The following CLEC16A variants were observed in gnomAD, a reference collection of about 807,000 sequenced individuals.
CLEC16A encodes the protein C-type lectin domain containing 16A, also known as protein CLEC16A.
CLEC16A carries 51 observed loss-of-function variants against 109.5 expected under a neutral mutation model. That is an observed-to-expected ratio of 0.47 (90% CI 0.37 to 0.59). The LOEUF (loss-of-function observed/expected upper bound fraction) is 0.59. Among genes scored for constraint, CLEC16A ranks in the 20% least tolerant of loss-of-function variants. The pLI is 0.00. For synonymous variants in CLEC16A, 673 were observed against 564.2 expected, an observed-to-expected ratio of 1.19 and a Z score of -2.73; for missense variants, 1,339 against 1,394.0, an observed-to-expected ratio of 0.96 and a Z score of 0.63.
chr16:11,023,193 C>A (rs1209437457), intron 12 of CLEC16A, among the ~76,000 whole-genome samples: 2 of 140,694 alleles, frequency 1.4e-5, no homozygotes, highest in Non-Finnish European at 3.1e-5. Context: ...ATTTTGTATT[C>A]TTTTTTTCCA....
At chr16:10,970,834 A>G (rs1404071062) in intron 4 of CLEC16A, among the ~76,000 whole-genome samples, 1 of 151,878 alleles carries the variant, frequency 6.6e-6, no homozygotes, top group Non-Finnish European at 1.5e-5. Context: ...GCAGCCTCCA[A>G]CTCCTGGGCT....
chr16:11,074,294 C>T (rs2049231001), intron 19 of CLEC16A, among the ~76,000 whole-genome samples: 1 of 152,222 alleles, frequency 6.6e-6, no homozygotes, highest in East Asian at 1.9e-4. Context: ...TGTTTCCCCT[C>T]TCTATGAATT....
intron 22 of CLEC16A, among the ~76,000 whole-genome samples, chr16:11,141,656 A>G (rs1472464349): frequency 3.3e-5 from 5 of 152,244 alleles, no homozygotes; most frequent in Non-Finnish European, 7.3e-5. Flanking sequence ...GATTGGAGAC[A>G]GCAGTGCGGG....
intron 23 of CLEC16A, among the ~76,000 whole-genome samples, chr16:11,173,002 A>G (rs887245472): frequency 1.3e-5 from 2 of 152,252 alleles, no homozygotes; most frequent in Admixed American, 1.3e-4. Context: ...GGCCCAGTGC[A>G]GGGAGCTTCC....
intron 23 of CLEC16A, among the ~76,000 whole-genome samples, chr16:11,168,416 G>C (rs1310928575): frequency 6.6e-6 from 1 of 152,220 alleles, no homozygotes; most frequent in Non-Finnish European, 1.5e-5. Flanking sequence ...CTCCCATTTG[G>C]TGCGTCCCCA....
In CLEC16A at chr16:10,957,797, T is replaced by C; in HGVS notation, c.96T>C (p.Val32=). Residue 32 remains valine (V), a synonymous_variant, in exon 2 of 24, where the codon GTT becomes GTC. Coordinates refer to ENST00000409790, the MANE Select transcript of CLEC16A (RefSeq NM_015226.3). ...TTTCTCTCAGGTATCTGTACCACGT[T>C]TTGACCAAAAACACCACAGTCACAG... The part of the protein sequence containing the change: ...SLDHLKYLYH[V]LTKNTTVTEQ... The C allele has an allele frequency of 1.2e-6, 2 of 1,613,942 alleles. No homozygotes were observed. Among genetic ancestry groups the C allele is most frequent in the Non-Finnish European group, 1.7e-6 (2 of 1,179,842 alleles).
In CLEC16A at chr16:11,120,851, GTCA is replaced by G. The variant is rs1567348240; in HGVS notation, c.2268+88_2268+90del. 3 of 1,164,954 alleles carry G rather than the reference GTCA, an allele frequency of 2.6e-6. No individual in the cohort carries two copies. The African/African-American group carries it at 4.8e-5, about 18-fold the overall frequency. The allele number at this position is 1,164,954 out of a possible 1,614,324, so 72.2% of individuals were successfully genotyped here. On this transcript the variant is annotated intron_variant, in intron 20 of 23. Coordinates refer to ENST00000409790, the MANE Select transcript of CLEC16A (RefSeq NM_015226.3). ...ACACACACACACACCACACACAATT[GTCA>G]TCTTTATCATTAATTTGTAGTGATA...
Position 11,106,025 on chromosome 16 carries a change from A to G in CLEC16A, c.2117-14590A>G, listed in dbSNP as rs145609512. Among the ~76,000 whole-genome samples the G allele has an allele frequency of 5.3e-5, 8 of 152,308 alleles. No individual in the cohort carries two copies. The East Asian group carries it at 9.6e-4, about 18-fold the overall frequency. ...CTTGGGAACAAAATGGATCTTCACA[A>G]TGATAGGATCCTGTAGTCATCACAC... On this transcript the variant is annotated intron_variant, in intron 19 of 23. Coordinates refer to ENST00000409790, the MANE Select transcript of CLEC16A (RefSeq NM_015226.3).
In CLEC16A at chr16:11,088,182, G is replaced by A. The variant is rs75011665; in HGVS notation, c.2116+27160G>A. ...CCAGGTGCTTGACTGGGCCCTTGCTGAATCAGATGAAAGAAATCCTCTGGA... is the reference window on the plus strand; with the variant it reads ...CCAGGTGCTTGACTGGGCCCTTGCTAAATCAGATGAAAGAAATCCTCTGGA... On this transcript the variant is annotated intron_variant, in intron 19 of 23. Transcript: ENST00000409790. Among the ~76,000 whole-genome samples, 4 of 152,348 alleles carry A rather than the reference G, an allele frequency of 2.6e-5. No homozygotes were observed. In the East Asian group the frequency reaches 7.7e-4, roughly 29 times the overall value.
At chr16:11,036,494 G>A (rs562805903) in intron 13 of CLEC16A, among the ~76,000 whole-genome samples, 14 of 150,058 alleles carry the variant, frequency 9.3e-5, no homozygotes, top group Middle Eastern at 7.0e-3. Flanking sequence ...TCTGTAGCTT[G>A]ATTTAGCTCT....
At chr16:10,947,854 A>AT (rs1337625810) in intron 1 of CLEC16A, among the ~76,000 whole-genome samples, 3 of 151,930 alleles carry the variant, frequency 2.0e-5, no homozygotes, top group Non-Finnish European at 4.4e-5. Flanking sequence ...TTATTTATTT[A>AT]TTATTATTAT....
chr16:11,141,479 G>A (rs1412703504), intron 22 of CLEC16A, among the ~76,000 whole-genome samples: 1 of 152,262 alleles, frequency 6.6e-6, no homozygotes, highest in East Asian at 1.9e-4. Flanking sequence ...AGCACGGGGT[G>A]TGGGGGGCAC....
At chr16:11,011,468 G>T (rs1374678561) in intron 11 of CLEC16A, among the ~76,000 whole-genome samples, 2 of 152,124 alleles carry the variant, frequency 1.3e-5, no homozygotes, top group Non-Finnish European at 2.9e-5. Flanking sequence ...TTTCAAGCTG[G>T]CTGTCATGTG....
intron 22 of CLEC16A, among the ~76,000 whole-genome samples, chr16:11,130,314 G>A (rs1033977420): frequency 6.6e-6 from 1 of 152,180 alleles, no homozygotes; most frequent in African/African-American, 2.4e-5. Flanking sequence ...CTGAACACGG[G>A]AAGACAAGGA....
chr16:10,946,120 A>G (rs889371621), intron 1 of CLEC16A, among the ~76,000 whole-genome samples: 1 of 152,194 alleles, frequency 6.6e-6, no homozygotes, highest in Admixed American at 6.5e-5. Flanking sequence ...GGGATGCTGA[A>G]GAGGGGAGTA....
chr16:11,157,398 C>T (rs1213849916), intron 22 of CLEC16A, among the ~76,000 whole-genome samples: 3 of 152,198 alleles, frequency 2.0e-5, no homozygotes, highest in East Asian at 1.9e-4. Flanking sequence ...GGAAGAAAAC[C>T]AGATATCACC....
At chr16:11,129,962 C>T (rs1326068665) in intron 22 of CLEC16A, among the ~76,000 whole-genome samples, 1 of 152,092 alleles carries the variant, frequency 6.6e-6, no homozygotes, top group Admixed American at 6.5e-5. Flanking sequence ...TGGGGTTTCA[C>T]CGTGTTAGCC....
At chr16:10,991,735 C>T (rs2044028317) in intron 10 of CLEC16A, among the ~76,000 whole-genome samples, 3 of 152,200 alleles carry the variant, frequency 2.0e-5, no homozygotes, top group Non-Finnish European at 2.9e-5. Flanking sequence ...CTCTAATGAG[C>T]GGTGGACATC....
At chr16:11,060,869 C>T (rs1195381657) in intron 18 of CLEC16A, 33 bp from the exon 19 acceptor site, 1 of 1,564,422 alleles carries the variant, frequency 6.4e-7, no homozygotes, top group Admixed American at 1.8e-5. Context: ...TCTGCAATCT[C>T]ACTCTTCTCT....
Sources: allele counts gnomAD v4.1 joint callset (sites outside exome capture counted in the v4.1 genomes callset), GRCh38; gene constraint gnomAD v4.1.1; transcripts MANE v1.5; gene names NCBI Gene and HGNC (gene_info 2026-07-23, HGNC 2026-07-21).